OTOG: variants seen among roughly 807,000 people sequenced by gnomAD.
OTOG encodes otogelin.
In OTOG, 296 loss-of-function variants were observed where a neutral mutation model predicts 313.8. That is an observed-to-expected ratio of 0.94 (90% CI 0.86 to 1.04). The LOEUF is 1.04. Among genes scored for constraint, OTOG ranks in the 50% least tolerant of loss-of-function variants. The pLI, the probability that OTOG is intolerant of heterozygous loss-of-function variation, is 0.00. For synonymous variants in OTOG, 1,533 were observed against 1,554.9 expected, an observed-to-expected ratio of 0.99 and a Z score of 0.33; for missense variants, 3,948 against 3,840.1, an observed-to-expected ratio of 1.03 and a Z score of -0.74.
At chr11:17,634,364 A>G (rs1425362302) in intron 44 of OTOG, 83 bp downstream of exon 44, 2 of 1,402,202 alleles carry the variant, frequency 1.4e-6, no homozygotes, top group African/African-American at 1.4e-5. Context: ...CCTGATGGAT[A>G]GGACAAGGCC....
At chr11:17,559,024 C>T (rs1327490947) in intron 10 of OTOG, 28 bp from the exon 11 acceptor site, 2 of 1,529,422 alleles carry the variant, frequency 1.3e-6, no homozygotes, top group Admixed American at 3.9e-5. Context: ...GGTTTTGTTC[C>T]AGTGTGACCC....
intron 6 of OTOG, 40 bp downstream of exon 6, chr11:17,553,559 C>G: frequency 2.1e-6 from 3 of 1,402,160 alleles, no homozygotes; most frequent in Non-Finnish European, 2.8e-6. Flanking sequence ...GAATGCTTCT[C>G]TAGGCCCTGG....
intron 29 of OTOG, 87 bp downstream of exon 29, chr11:17,596,241 G>T: frequency 2.1e-6 from 2 of 971,988 alleles, no homozygotes; most frequent in South Asian, 2.8e-5. Flanking sequence ...CCATGTCTCA[G>T]AGGAGACAGC....
At chr11:17,620,852 G>A (rs1197008895) in intron 39 of OTOG, among the ~76,000 whole-genome samples, 1 of 152,092 alleles carries the variant, frequency 6.6e-6, no homozygotes, top group Non-Finnish European at 1.5e-5. Flanking sequence ...ATTGCTCTAA[G>A]TTCATTAATC....
At chr11:17,611,488 C>A in intron 36 of OTOG, 65 bp downstream of exon 36, 1 of 1,402,436 alleles carries the variant, frequency 7.1e-7, no homozygotes, top group Non-Finnish European at 9.5e-7. Context: ...TTCCTCTTCC[C>A]TGCTAGATGG....
At chr11:17,614,180 C>A (rs1179855569) in intron 39 of OTOG, among the ~76,000 whole-genome samples, 2 of 152,144 alleles carry the variant, frequency 1.3e-5, no homozygotes, top group African/African-American at 4.8e-5. Context: ...CTCCAGAGGG[C>A]CCACCTTTGC....
intron 8 of OTOG, 39 bp downstream of exon 8, chr11:17,557,362 G>C: frequency 1.3e-6 from 2 of 1,541,450 alleles, no homozygotes; most frequent in Non-Finnish European, 1.8e-6. Context: ...GGTGTTGGTG[G>C]GGATGGGGGA....
At chr11:17,602,638 A>G (rs941696191) in intron 32 of OTOG, among the ~76,000 whole-genome samples, 1 of 152,148 alleles carries the variant, frequency 6.6e-6, no homozygotes, top group African/African-American at 2.4e-5. Flanking sequence ...GCTGTGTTCC[A>G]GAAAAGCCAA....
intron 54 of OTOG, among the ~76,000 whole-genome samples, chr11:17,643,923 A>G (rs1456623851): frequency 6.6e-6 from 1 of 152,218 alleles, no homozygotes; most frequent in African/African-American, 2.4e-5. Context: ...GGTCCCTGAC[A>G]GTCCCCGTTA....
chr11:17,558,998 G>C (rs1343493769), intron 10 of OTOG, 54 bp from the exon 11 acceptor site: 1 of 1,376,092 alleles, frequency 7.3e-7, no homozygotes, highest in East Asian at 2.5e-5. Flanking sequence ...GATGCTGGTG[G>C]GCTGGTGGCA....
At position 17,594,093 on chromosome 11, in the gene OTOG, A is replaced by G. The variant is rs571215839; in HGVS notation, c.3335A>G (p.Asn1112Ser). The G allele has an allele frequency of 3.3e-4, 504 of 1,550,362 alleles. No individual in the cohort carries two copies. The highest frequency in any genetic ancestry group is 4.3e-4 in the Non-Finnish European group (488 of 1,146,964). The change falls in exon 28 of 56, where the codon AAT becomes AGT. Residue 1112 changes from asparagine to serine, a missense_variant. Coordinates refer to ENST00000399397, the MANE Select transcript of OTOG (RefSeq NM_001292063.2). Reference protein sequence around the residue: ...LCGNFDLKTINEMRTPENLEL... With the variant: ...LCGNFDLKTISEMRTPENLEL... The stretch of plus-strand genomic sequence containing the variant: ...GGGAACTTTGACTTAAAAACCATCA[A>G]TGAGATGAGGACCCCGGAGAACCTA...
intron 37 of OTOG, 42 bp downstream of exon 37, chr11:17,612,372 A>G (rs1853582413): frequency 6.7e-7 from 1 of 1,489,202 alleles, no homozygotes; most frequent in Admixed American, 2.1e-5. Flanking sequence ...TCCTCCCTGT[A>G]TCCTTACCCC....
At chr11:17,612,820 G>T in intron 38 of OTOG, 55 bp downstream of exon 38, 1 of 1,516,034 alleles carries the variant, frequency 6.6e-7, no homozygotes. Flanking sequence ...ACTAGGATAA[G>T]AGGGGAGACG....
At chr11:17,613,443 G>A (rs531817924) in intron 38 of OTOG, among the ~76,000 whole-genome samples, 169 bp from the exon 39 acceptor site, 2 of 148,214 alleles carry the variant, frequency 1.3e-5, no homozygotes, top group South Asian at 2.1e-4. Context: ...AGATGGAGCC[G>A]CAACAGTTCC....
intron 40 of OTOG, among the ~76,000 whole-genome samples, chr11:17,629,595 A>G (rs1007893335): frequency 6.6e-6 from 1 of 152,136 alleles, no homozygotes; most frequent in African/African-American, 2.4e-5. Flanking sequence ...AATCCTTTCC[A>G]TCTGCATGAG....
intron 17 of OTOG, among the ~76,000 whole-genome samples, chr11:17,571,852 T>C (rs142640917): frequency 6.6e-6 from 1 of 152,290 alleles, no homozygotes; most frequent in Non-Finnish European, 1.5e-5. Flanking sequence ...TTTGGCTATA[T>C]GCATGTCTGG....
intron 32 of OTOG, among the ~76,000 whole-genome samples, chr11:17,603,941 T>C (rs1853317544): frequency 2.6e-5 from 4 of 152,154 alleles, no homozygotes; most frequent in Admixed American, 1.3e-4. Flanking sequence ...TCTGTAGGAC[T>C]TCTCATGTGC....
At chr11:17,632,548 C>A (rs918836610) in intron 42 of OTOG, among the ~76,000 whole-genome samples, 3 of 152,048 alleles carry the variant, frequency 2.0e-5, no homozygotes, top group African/African-American at 7.3e-5. Context: ...TAACCATCGC[C>A]CCCGCCCAGG....
At position 17,605,959 on chromosome 11, in the gene OTOG, C is replaced by T. The variant is rs1309721307; in HGVS notation, c.3980C>T (p.Thr1327Ile). The change falls in exon 33 of 56, where the codon ACC (threonine) becomes ATC (isoleucine). Residue 1327 changes from threonine to isoleucine, a missense_variant. Physicochemically the swap from Thr to Ile is moderately conservative, Grantham distance 89. Coordinates refer to ENST00000399397, the MANE Select transcript of OTOG (RefSeq NM_001292063.2). ...LELAKWQGRD[T>I]FQQHASFLLH... is the part of the protein sequence containing the mutation. Reference sequence around the variant, plus strand: ...CTGGCTAAGTGGCAGGGCCGTGACACCTTCCAACAGCATGCCTCCTTCTTG... The same window carrying T: ...CTGGCTAAGTGGCAGGGCCGTGACATCTTCCAACAGCATGCCTCCTTCTTG... The T allele has an allele frequency of 1.3e-6, 2 of 1,550,520 alleles. No homozygotes were observed. The highest frequency in any genetic ancestry group is 2.4e-5 in the East Asian group (1 of 40,932).
Sources: gnomAD v4.1 joint callset for allele counts (sites outside exome capture counted in the v4.1 genomes callset) on GRCh38, gnomAD v4.1.1 for gene constraint, MANE v1.5 for transcripts, NCBI Gene and HGNC (gene_info 2026-07-23, HGNC 2026-07-21) for gene names.